The following CWF19L2 variants were observed in gnomAD, a reference collection of about 807,000 sequenced individuals.
CWF19L2 encodes the protein CWF19 like cell cycle control factor 2.
In CWF19L2, 98 loss-of-function variants were observed where a neutral mutation model predicts 111.7. The observed-to-expected ratio is 0.88, with a 90% confidence interval of 0.75 to 1.04. The LOEUF (loss-of-function observed/expected upper bound fraction) is 1.04. Among genes scored for constraint, CWF19L2 ranks in the 50% least tolerant of loss-of-function variants. The pLI, the probability that CWF19L2 is intolerant of heterozygous loss-of-function variation, is 0.00. For synonymous variants in CWF19L2, 351 were observed against 342.9 expected, an observed-to-expected ratio of 1.02 and a Z score of -0.26; for missense variants, 1,101 against 1,051.4, an observed-to-expected ratio of 1.05 and a Z score of -0.65.
rs78632624 is a variant in CWF19L2, at chr11:107,388,643, T to C, written c.1872+1431A>G. 2.1e-3 allele frequency among the ~76,000 whole-genome samples: 324 copies of C among 152,122 alleles called. 2 individuals carry two copies. The highest frequency in any genetic ancestry group is 7.2e-3 in the African/African-American group (297 of 41,522). On this transcript the variant is annotated intron_variant, in intron 12 of 17. Coordinates refer to ENST00000282251, the MANE Select transcript of CWF19L2 (RefSeq NM_152434.3). ...GATCTGCCTGCCTAGGCCCCCCAAA[T>C]TGCTGGGATTACAGGGTTGAGCCAC...
At chr11:107,381,060 T>G (rs1164376567) in intron 12 of CWF19L2, among the ~76,000 whole-genome samples, 1 of 151,950 alleles carries the variant, frequency 6.6e-6, no homozygotes, top group East Asian at 1.9e-4. Flanking sequence ...CTGGGGTAAA[T>G]GGAAGTGAGC....
In CWF19L2 at chr11:107,392,868, C is replaced by G; in HGVS notation, c.1645G>C (p.Val549Leu). 1 of 1,573,676 alleles carries G rather than the reference C, an allele frequency of 6.4e-7. No homozygotes were observed. Among genetic ancestry groups the G allele is most frequent in the Non-Finnish European group, 8.6e-7 (1 of 1,166,652 alleles). ...ENEDQQEVIL[V>L]RTDQSGRVWP... is the part of the protein sequence containing the mutation. ...ACTCTTCCAGACTGATCTGTTCTGA[C>G]AAGGATTACTTCTTGCTGGTCTTCA... The change falls in exon 11 of 18, where the codon GTC (valine) becomes CTC (leucine). Residue 549 changes from valine to leucine, a missense_variant. Transcript: ENST00000282251.
intron 6 of CWF19L2, among the ~76,000 whole-genome samples, chr11:107,435,070 T>C (rs934206120): frequency 2.6e-5 from 4 of 152,140 alleles, no homozygotes; most frequent in Non-Finnish European, 4.4e-5. Flanking sequence ...ATAAAAAGTT[T>C]ACTTAAAAAC....
intron 14 of CWF19L2, among the ~76,000 whole-genome samples, chr11:107,347,960 G>C (rs967583109): frequency 2.4e-4 from 36 of 152,090 alleles, no homozygotes; most frequent in African/African-American, 8.0e-4. Context: ...ATAATTCTAA[G>C]AACTGAATTT....
intron 16 of CWF19L2, among the ~76,000 whole-genome samples, chr11:107,330,892 G>A (rs997360529): frequency 2.0e-5 from 3 of 152,004 alleles, no homozygotes; most frequent in Non-Finnish European, 4.4e-5. Context: ...GAATCACATG[G>A]TCCTACTTAA....
chr11:107,395,851 G>A (rs959696606), intron 10 of CWF19L2, among the ~76,000 whole-genome samples: 1 of 152,106 alleles, frequency 6.6e-6, no homozygotes, highest in Non-Finnish European at 1.5e-5. Flanking sequence ...TCTTTTTGCA[G>A]GACAAAGACT....
chr11:107,368,798 A>G lies in CWF19L2; in HGVS notation c.1873-15062T>C, dbSNP rs1860468822. On this transcript the variant is annotated intron_variant, in intron 12 of 17. Coordinates refer to ENST00000282251, the MANE Select transcript of CWF19L2 (RefSeq NM_152434.3). ...AAGCTTTCCTGCCTTTTAAAATATA[A>G]TAAATGAAACTTTATTCTTTTCCTG... Among the ~76,000 whole-genome samples, 2 of 138,542 alleles carry G rather than the reference A, an allele frequency of 1.4e-5. 1 individual carries two copies. The highest frequency in any genetic ancestry group is 3.1e-5 in the Non-Finnish European group (2 of 64,432). The allele number at this position is 138,542 out of a possible 152,430, so 90.9% of individuals were successfully genotyped here. A position where few individuals can be genotyped will look rare whatever the true frequency, so the allele number is the denominator to read the frequency against.
chr11:107,426,252 C>G (rs1245660215), intron 8 of CWF19L2, among the ~76,000 whole-genome samples: 3 of 151,630 alleles, frequency 2.0e-5, no homozygotes. Context: ...AAAAATATGG[C>G]AAACTTCACT....
rs557559945 is a variant in CWF19L2, at chr11:107,342,125, T to C, written c.2203-5412A>G. 2.0e-5 allele frequency among the ~76,000 whole-genome samples: 3 copies of C among 152,138 alleles called. No individual in the cohort carries two copies. In the East Asian group the frequency reaches 5.8e-4, roughly 29 times the overall value. Reference sequence around the variant, plus strand: ...TTTGGATGTACTTTGCTCTTCTTTTTCTAGGTTCTTGAGGTGAAGGTTTTT... The same window carrying C: ...TTTGGATGTACTTTGCTCTTCTTTTCCTAGGTTCTTGAGGTGAAGGTTTTT... On this transcript the variant is annotated intron_variant, in intron 14 of 17. Coordinates refer to ENST00000282251, the MANE Select transcript of CWF19L2 (RefSeq NM_152434.3).
intron 7 of CWF19L2, among the ~76,000 whole-genome samples, chr11:107,431,035 G>C (rs1861459654): frequency 6.6e-6 from 1 of 150,488 alleles, no homozygotes; most frequent in South Asian, 2.1e-4. Context: ...AAACAAAAAA[G>C]TACCTTTTAC....
intron 5 of CWF19L2, 29 bp from the exon 6 acceptor site, chr11:107,439,212 T>C: frequency 1.5e-6 from 2 of 1,340,662 alleles, no homozygotes; most frequent in Non-Finnish European, 2.1e-6. Context: ...AGAGGTGAAA[T>C]TTCAAAAAAT....
chr11:107,383,703 C>A (rs1244381506), intron 12 of CWF19L2, among the ~76,000 whole-genome samples: 3 of 151,826 alleles, frequency 2.0e-5, no homozygotes, highest in Non-Finnish European at 4.4e-5. Flanking sequence ...ATAAATATAA[C>A]CTGAATTTTG....
chr11:107,396,453 C>T (rs80292383), intron 10 of CWF19L2, among the ~76,000 whole-genome samples: 2,503 of 152,212 alleles, frequency 0.016, 73 homozygotes, highest in African/African-American at 0.056. Flanking sequence ...CATAAAAGAA[C>T]CTTCTGGCTG....
At position 107,353,632 on chromosome 11, in the gene CWF19L2, T is replaced by C. The variant is rs780971352; in HGVS notation, c.1977A>G (p.Lys659=). ...RLGEEEENQR[K]KAIAEHRSLA... is the part of the protein sequence containing the mutation. ...GACTCCGATGCTCAGCAATAGCTTT[T>C]TTCCTTTGGTTCTCTTCCTCTTCAC... The change falls in exon 13 of 18, where the codon AAA becomes AAG. Residue 659 remains lysine (K), a synonymous_variant. Transcript: ENST00000282251. 1.9e-5 allele frequency: 30 copies of C among 1,613,796 alleles called. No individual in the cohort carries two copies. In the South Asian group the frequency reaches 1.9e-4, roughly 10 times the overall value.
At chr11:107,333,615 TTTTAC>T (rs1859881324) in intron 16 of CWF19L2, among the ~76,000 whole-genome samples, 3 of 152,174 alleles carry the variant, frequency 2.0e-5, no homozygotes, top group Non-Finnish European at 4.4e-5. Context: ...TTTTGTTTTG[TTTTAC>T]TTTGTTTTTT....
intron 12 of CWF19L2, among the ~76,000 whole-genome samples, chr11:107,370,394 A>C (rs745451172): frequency 7.3e-6 from 1 of 137,382 alleles, no homozygotes; most frequent in Non-Finnish European, 1.6e-5. Flanking sequence ...ACAGAACCAA[A>C]TTCTTTCATT....
At chr11:107,396,472 C>G (rs1354474414) in intron 10 of CWF19L2, among the ~76,000 whole-genome samples, 2 of 152,142 alleles carry the variant, frequency 1.3e-5, no homozygotes, top group Admixed American at 6.5e-5. Context: ...TGACAAAAAT[C>G]ATGGATTCTT....
rs1356913840 is a variant in CWF19L2 at position 107,428,844 on chromosome 11, G to A, written c.1388C>T (p.Pro463Leu). The A allele has an allele frequency of 1.2e-6, 2 of 1,610,056 alleles. No individual in the cohort carries two copies. The highest frequency in any genetic ancestry group is 1.3e-5 in the African/African-American group (1 of 74,450). Reference protein sequence around the residue: ...KSQDEVLRDDPPKKEHLRDTK... With the variant: ...KSQDEVLRDDLPKKEHLRDTK... ...ATCCCGTAGATGTTCTTTTTTTGGA[G>A]GGTCATCTCTCAAGACTTCATCTTG... The change falls in exon 8 of 18, where the codon CCT (proline) becomes CTT (leucine). Residue 463 changes from proline (P) to leucine (L), a missense_variant. Transcript: ENST00000282251.
chr11:107,383,623 C>T (rs1860724726), intron 12 of CWF19L2, among the ~76,000 whole-genome samples: 1 of 152,014 alleles, frequency 6.6e-6, no homozygotes, highest in African/African-American at 2.4e-5. Flanking sequence ...TCATGAGATA[C>T]CTTTCTTGGT....
Sources: gnomAD v4.1 joint callset for allele counts (sites outside exome capture counted in the v4.1 genomes callset) on GRCh38, gnomAD v4.1.1 for gene constraint, MANE v1.5 for transcripts, NCBI Gene and HGNC (gene_info 2026-07-23, HGNC 2026-07-21) for gene names.